The following TSPAN15 variants were observed in gnomAD, a reference collection of about 807,000 sequenced individuals.
TSPAN15 encodes tetraspanin 15, also known as tetraspanin-15.
A neutral mutation model predicts 34.5 loss-of-function variants in TSPAN15; 20 were observed. That is an observed-to-expected ratio of 0.58 (90% CI 0.41 to 0.84). The LOEUF is 0.84. Among genes scored for constraint, TSPAN15 ranks in the 40% least tolerant of loss-of-function variants. The pLI is 0.00. For missense variants in TSPAN15, 313 were observed against 386.1 expected (o/e 0.81, Z 1.59); for synonymous variants, 155 against 153.9 (o/e 1.01, Z -0.05).
chr10:69,530,773 A>G, the TSPAN15 span, among the ~76,000 whole-genome samples: 4 of 114,644 alleles, frequency 3.5e-5, no homozygotes, highest in South Asian at 1.1e-3. Context: ...TAGGTGACAG[A>G]GTGAGACTCT....
At position 69,455,608 on chromosome 10, in the gene TSPAN15, C is replaced by CTTTCTTTCTTTCTTTCTT. The variant is rs1428393903; in HGVS notation, c.96+3919_96+3920insTTCTTTCTTTCTTTCTTT. Among the ~76,000 whole-genome samples the CTTTCTTTCTTTCTTTCTT allele has an allele frequency of 5.4e-3, 546 of 100,348 alleles. 13 individuals carry two copies. The highest frequency in any genetic ancestry group is 0.017 in the African/African-American group (432 of 24,948). The allele number at this position is 100,348 out of a possible 152,430, so 65.8% of individuals were successfully genotyped here. A position where few individuals can be genotyped will look rare whatever the true frequency, so the allele number is the denominator to read the frequency against. ...TTTCTTTCTCTTTCTTTCTTTCTTT[C>CTTTCTTTCTTTCTTTCTT]TCTCTCTCTCTCTCTCTCCCCCCCC... On this transcript the variant is annotated intron_variant, in intron 1 of 7. Coordinates refer to ENST00000373290, the MANE Select transcript of TSPAN15 (RefSeq NM_012339.5).
At chr10:69,504,709 C>G (rs557357375) in intron 6 of TSPAN15, among the ~76,000 whole-genome samples, 4 of 152,162 alleles carry the variant, frequency 2.6e-5, no homozygotes, top group Non-Finnish European at 4.4e-5. Context: ...CAGGGTTTGC[C>G]GAGCACCTAC....
chr10:69,493,470 C>CTTTTT (rs5785919), intron 3 of TSPAN15, among the ~76,000 whole-genome samples: 4 of 118,812 alleles, frequency 3.4e-5, no homozygotes, highest in African/African-American at 6.7e-5. Flanking sequence ...AGCCCATCTC[C>CTTTTT]TTTTTTTTTT....
At chr10:69,521,264 C>A in the TSPAN15 span, among the ~76,000 whole-genome samples, 62 of 152,032 alleles carry the variant, frequency 4.1e-4, no homozygotes, top group Admixed American at 3.9e-4. Context: ...AATCCCAGCA[C>A]TTTGGGAGGC....
chr10:69,470,835 C>G (rs937796929), intron 1 of TSPAN15, among the ~76,000 whole-genome samples: 10 of 152,302 alleles, frequency 6.6e-5, no homozygotes, highest in Admixed American at 5.9e-4. Context: ...CTCAGAGTCC[C>G]CTCCTGATCA....
At position 69,504,464 on chromosome 10, in the gene TSPAN15, C is replaced by T; in HGVS notation, c.597C>T (p.Gly199=). ...CAGAAGTTGTCAACACCATGTGTGG[C>T]TACAAAACTATCGACAAGGAGGTAA... is the stretch of plus-strand genomic sequence containing the variant. The part of the protein sequence containing the change: ...NTTEVVNTMC[G]YKTIDKERFS... The change falls in exon 6 of 8, where the codon GGC becomes GGT. Residue 199 remains glycine, a synonymous_variant. Transcript: ENST00000373290. 6.2e-7 allele frequency: 1 copy of T among 1,614,078 alleles called. No homozygotes were observed. The highest frequency in any genetic ancestry group is 8.5e-7 in the Non-Finnish European group (1 of 1,179,934).
At chr10:69,470,526 T>G (rs977261050) in intron 1 of TSPAN15, among the ~76,000 whole-genome samples, 2 of 152,170 alleles carry the variant, frequency 1.3e-5, no homozygotes, top group Non-Finnish European at 2.9e-5. Context: ...TCACCTCACA[T>G]TGGTCACCAC....
At chr10:69,533,873 G>C in the TSPAN15 span, among the ~76,000 whole-genome samples, 1 of 152,156 alleles carries the variant, frequency 6.6e-6, no homozygotes. Flanking sequence ...AATTGAATTA[G>C]TGGACACCCA....
At chr10:69,473,068 G>T (rs1300725929) in intron 1 of TSPAN15, among the ~76,000 whole-genome samples, 2 of 152,218 alleles carry the variant, frequency 1.3e-5, no homozygotes, top group African/African-American at 4.8e-5. Flanking sequence ...ACCAGCAAGG[G>T]CTTCCCATTG....
chr10:69,483,200 T>C (rs1841775504), intron 1 of TSPAN15, among the ~76,000 whole-genome samples: 1 of 152,030 alleles, frequency 6.6e-6, no homozygotes, highest in African/African-American at 2.4e-5. Flanking sequence ...GTGTTAGCCA[T>C]GATGGTCTCG....
the TSPAN15 span, among the ~76,000 whole-genome samples, chr10:69,536,843 G>A: frequency 6.6e-6 from 1 of 152,032 alleles, no homozygotes; most frequent in Admixed American, 6.5e-5. Flanking sequence ...AATTAGCCAG[G>A]AGTGGTGGCA....
At chr10:69,537,579 A>G in the TSPAN15 span, among the ~76,000 whole-genome samples, 29 of 152,244 alleles carry the variant, frequency 1.9e-4, no homozygotes, top group African/African-American at 6.3e-4. Context: ...TAATCTTCAC[A>G]TGGCGTTTCC....
chr10:69,544,707 T>C, the TSPAN15 span, among the ~76,000 whole-genome samples: 1 of 152,136 alleles, frequency 6.6e-6, no homozygotes, highest in East Asian at 1.9e-4. Context: ...CTGTGAGTTG[T>C]GGGGTGGTCA....
rs747384486 is a variant in TSPAN15 at position 69,507,029 on chromosome 10, C to T, written c.*51C>T. 3 of 1,586,140 alleles carry T rather than the reference C, an allele frequency of 1.9e-6. No individual in the cohort carries two copies. Among genetic ancestry groups the T allele is most frequent in the South Asian group, 1.2e-5 (1 of 86,674 alleles). On this transcript the variant is annotated 3_prime_UTR_variant, in exon 8 of 8. Coordinates refer to ENST00000373290, the MANE Select transcript of TSPAN15 (RefSeq NM_012339.5). ...ACAAGGACCGTCTGGGATAGCACCT[C>T]TCAGTCAACATCGTGGGGCTGGACA...
the TSPAN15 span, among the ~76,000 whole-genome samples, chr10:69,524,791 T>G: frequency 1.4e-5 from 2 of 146,656 alleles, no homozygotes; most frequent in African/African-American, 2.5e-5. Flanking sequence ...ATCTTTTTTT[T>G]TTTTTTGAGA....
chr10:69,495,473 T>G, intron 3 of TSPAN15, 121 bp from the exon 4 acceptor site: 1 of 693,566 alleles, frequency 1.4e-6, no homozygotes, highest in Non-Finnish European at 2.5e-6. Context: ...GGCTCCATGC[T>G]GGCTGGGCGC....
At chr10:69,504,567 C>T (rs571609325) in intron 6 of TSPAN15, 82 bp downstream of exon 6, 15 of 1,450,430 alleles carry the variant, frequency 1.0e-5, no homozygotes, top group Admixed American at 1.7e-5. Flanking sequence ...TTATTGAGGT[C>T]GGGGTCCTGG....
chr10:69,480,521 C>T (rs182784988), intron 1 of TSPAN15, among the ~76,000 whole-genome samples: 19 of 152,306 alleles, frequency 1.2e-4, no homozygotes, highest in African/African-American at 4.3e-4. Flanking sequence ...ATTTTATTCA[C>T]TCCATGCCTG....
the TSPAN15 span, among the ~76,000 whole-genome samples, chr10:69,546,047 T>C: frequency 9.9e-5 from 15 of 152,194 alleles, no homozygotes; most frequent in African/African-American, 3.6e-4. Context: ...TGGCCGAGTT[T>C]ACCTTGTATT....
Sources: gnomAD v4.1 joint callset for allele counts (sites outside exome capture counted in the v4.1 genomes callset) on GRCh38, gnomAD v4.1.1 for gene constraint, MANE v1.5 for transcripts, NCBI Gene and HGNC (gene_info 2026-07-23, HGNC 2026-07-21) for gene names.